Variants in FKBP3 observed in about 807,000 individuals in gnomAD.
FKBP3 encodes FKBP prolyl isomerase 3.
A neutral mutation model predicts 30.6 loss-of-function variants in FKBP3; 21 were observed. The ratio of observed to expected loss-of-function variants is 0.69; its 90% CI spans 0.49 to 0.99. FKBP3 has a LOEUF of 0.99. Ranked by LOEUF, FKBP3 falls within the 50% of genes least tolerant of loss-of-function variation. The probability of loss-of-function intolerance (pLI) is 0.00; values close to 1 mark genes in which losing one functional copy is unlikely to be tolerated. For missense variants in FKBP3, 283 were observed against 261.6 expected, an observed-to-expected ratio of 1.08 and a Z score of -0.56; for synonymous variants, 82 against 91.3, an observed-to-expected ratio of 0.90 and a Z score of 0.58.
chr14:45,120,167 T>A (rs572487394), intron 5 of FKBP3, among the ~76,000 whole-genome samples: 11 of 152,204 alleles, frequency 7.2e-5, no homozygotes, highest in Non-Finnish European at 1.5e-4. Flanking sequence ...TGTCTGATGT[T>A]CTGAGAATAA....
At chr14:45,120,333 CT>C (rs1884957653) in intron 5 of FKBP3, among the ~76,000 whole-genome samples, 1 of 152,096 alleles carries the variant, frequency 6.6e-6, no homozygotes, top group South Asian at 2.1e-4. Context: ...AAGTTTCTTT[CT>C]GTTATCTCTC....
At position 45,123,716 on chromosome 14, in the gene FKBP3, G is replaced by A. The variant is rs956873500; in HGVS notation, c.319-2096C>T. Among the ~76,000 whole-genome samples, 8 of 137,490 alleles carry A rather than the reference G, an allele frequency of 5.8e-5. 1 individual carries two copies. The highest frequency in any genetic ancestry group is 3.2e-4 in the Admixed American group (4 of 12,632). 90.2% of individuals were successfully genotyped at this position (137,490 alleles called of 152,430 possible). ...TGCAAGCTCTGCCTCCCGGGTTCAC[G>A]CCATTCTCCCGCCTCAGCCTCCCAA... On this transcript the variant is annotated intron_variant, in intron 3 of 6. Transcript: ENST00000396062.
chr14:45,123,275 A>G (rs1385921629), intron 3 of FKBP3, among the ~76,000 whole-genome samples: 1 of 152,072 alleles, frequency 6.6e-6, no homozygotes, highest in Admixed American at 6.6e-5. Flanking sequence ...GGGTCCTCTG[A>G]GACCTCTTCT....
chr14:45,122,628 C>T (rs752466189), intron 3 of FKBP3, among the ~76,000 whole-genome samples: 13 of 151,814 alleles, frequency 8.6e-5, no homozygotes, highest in Non-Finnish European at 1.3e-4. Flanking sequence ...CTCAGTCTCC[C>T]GAGTAGCTGG....
intron 3 of FKBP3, 152 bp from the exon 4 acceptor site, chr14:45,121,772 C>G: frequency 2.5e-6 from 2 of 790,636 alleles, no homozygotes; most frequent in Non-Finnish European, 3.9e-6. Flanking sequence ...TATCTAATTT[C>G]AAGGCTGTGA....
chr14:45,128,696 G>A (rs1173577278), intron 3 of FKBP3, among the ~76,000 whole-genome samples: 12 of 152,178 alleles, frequency 7.9e-5, no homozygotes, highest in Admixed American at 2.6e-4. Context: ...CCAGTTAAAC[G>A]AAGAGGTTTT....
chr14:45,129,698 C>T (rs1566707937), intron 3 of FKBP3, 96 bp downstream of exon 3: 1 of 714,860 alleles, frequency 1.4e-6, no homozygotes, highest in Non-Finnish European at 2.2e-6. Context: ...TCGTATTCAA[C>T]CACCCTTCAC....
intron 5 of FKBP3, among the ~76,000 whole-genome samples, chr14:45,119,447 T>C (rs1014600509): frequency 6.6e-5 from 10 of 152,034 alleles, no homozygotes; most frequent in African/African-American, 2.4e-4. Context: ...CGCATGCCTG[T>C]AATCCCAGCT....
At chr14:45,116,781 G>A (rs1005891957) in intron 6 of FKBP3, among the ~76,000 whole-genome samples, 1 of 152,028 alleles carries the variant, frequency 6.6e-6, no homozygotes, top group African/African-American at 2.4e-5. Flanking sequence ...GCTTGAGCCC[G>A]GGAGGCAGAG....
intron 3 of FKBP3, among the ~76,000 whole-genome samples, chr14:45,124,614 A>T (rs1756205031): frequency 6.6e-6 from 1 of 151,712 alleles, no homozygotes; most frequent in African/African-American, 2.4e-5. Flanking sequence ...GAGTGATCAT[A>T]CCACTGTAAA....
At chr14:45,120,195 T>C (rs1884953526) in intron 5 of FKBP3, among the ~76,000 whole-genome samples, 1 of 152,188 alleles carries the variant, frequency 6.6e-6, no homozygotes, top group South Asian at 2.1e-4. Context: ...AAACAAACAA[T>C]GGGCACAATG....
chr14:45,122,386 T>C (rs942722062), intron 3 of FKBP3, among the ~76,000 whole-genome samples: 3 of 152,212 alleles, frequency 2.0e-5, no homozygotes, highest in Non-Finnish European at 2.9e-5. Flanking sequence ...AAATCTATAT[T>C]TGGTTTCTAA....
At chr14:45,119,155 A>G (rs1396766342) in intron 5 of FKBP3, among the ~76,000 whole-genome samples, 1 of 152,234 alleles carries the variant, frequency 6.6e-6, no homozygotes, top group Non-Finnish European at 1.5e-5. Context: ...TAGTTTCCAC[A>G]AACAGTTAAA....
At chr14:45,117,430 C>G (rs1884872992) in intron 6 of FKBP3, among the ~76,000 whole-genome samples, 1 of 152,228 alleles carries the variant, frequency 6.6e-6, no homozygotes, top group Non-Finnish European at 1.5e-5. Flanking sequence ...AACTTACCTT[C>G]CCTCTTACCT....
At chr14:45,129,338 C>T (rs541448816) in intron 3 of FKBP3, among the ~76,000 whole-genome samples, 22 of 152,266 alleles carry the variant, frequency 1.4e-4, no homozygotes, top group Admixed American at 8.5e-4. Flanking sequence ...ACCTTTGTAC[C>T]AAAGTATAAA....
chr14:45,126,159 G>A (rs1885091912), intron 3 of FKBP3, among the ~76,000 whole-genome samples: 1 of 150,978 alleles, frequency 6.6e-6, no homozygotes, highest in Non-Finnish European at 1.5e-5. Flanking sequence ...CCAAAGTGCT[G>A]GGATAATAGG....
chr14:45,132,484 C>T (rs1450854502), intron 1 of FKBP3, among the ~76,000 whole-genome samples: 1 of 151,956 alleles, frequency 6.6e-6, no homozygotes, highest in Non-Finnish European at 1.5e-5. Context: ...TGCAACCTCC[C>T]CCTCTTGGGT....
intron 6 of FKBP3, among the ~76,000 whole-genome samples, chr14:45,117,726 T>C (rs915382892): frequency 1.3e-5 from 2 of 152,226 alleles, no homozygotes; most frequent in African/African-American, 4.8e-5. Flanking sequence ...TGGTAACTTT[T>C]CTTAAACTCT....
At position 45,134,465 on chromosome 14, in the gene FKBP3, G is replaced by A. The variant is rs765910800; in HGVS notation, c.-9C>T. ...GGAACGGCCGCCGCCATCTTCCCCCGCTGCCTCCGCTTTACTGAGCCAGCC... is the reference window on the plus strand; with the variant it reads ...GGAACGGCCGCCGCCATCTTCCCCCACTGCCTCCGCTTTACTGAGCCAGCC... On this transcript the variant is annotated 5_prime_UTR_variant, in exon 1 of 7. Transcript: ENST00000396062. 14 of 1,607,640 alleles carry A rather than the reference G, an allele frequency of 8.7e-6. No homozygotes were observed. The highest frequency in any genetic ancestry group is 6.7e-5 in the Admixed American group (4 of 59,334).
Sources: gnomAD v4.1 joint callset for allele counts (sites outside exome capture counted in the v4.1 genomes callset) on GRCh38, gnomAD v4.1.1 for gene constraint, MANE v1.5 for transcripts, NCBI Gene and HGNC (gene_info 2026-07-23, HGNC 2026-07-21) for gene names.